Variants in GUCY1A2 observed in about 807,000 individuals in gnomAD.
GUCY1A2 encodes the protein guanylate cyclase soluble subunit alpha-2.
A neutral mutation model predicts 63.5 loss-of-function variants in GUCY1A2; 27 were observed. The ratio of observed to expected loss-of-function variants is 0.43; its 90% CI spans 0.31 to 0.59. The LOEUF is 0.59. GUCY1A2 is among the 20% of genes least tolerant of loss of function. The probability of loss-of-function intolerance (pLI) is 0.11; values close to 1 mark genes in which losing one functional copy is unlikely to be tolerated. For missense variants in GUCY1A2, 768 were observed against 913.3 expected (o/e 0.84, Z 2.05); for synonymous variants, 364 against 343.5 (o/e 1.06, Z -0.66).
chr11:106,927,279 A>C (rs985992121), intron 4 of GUCY1A2, among the ~76,000 whole-genome samples: 2 of 151,596 alleles, frequency 1.3e-5, no homozygotes, highest in Admixed American at 6.6e-5. Context: ...AGGTTGAGGC[A>C]GGAGAATGGC....
intron 4 of GUCY1A2, among the ~76,000 whole-genome samples, chr11:106,862,342 T>A (rs1449401218): frequency 6.6e-6 from 1 of 151,792 alleles, no homozygotes; most frequent in African/African-American, 2.4e-5. Flanking sequence ...AAAAAACACA[T>A]CAATAGATAA....
At chr11:106,993,355 G>A (rs902702060) in intron 1 of GUCY1A2, among the ~76,000 whole-genome samples, 2 of 152,042 alleles carry the variant, frequency 1.3e-5, no homozygotes, top group Non-Finnish European at 2.9e-5. Flanking sequence ...AGACACCAAT[G>A]GATCAAATTA....
Position 106,682,273 on chromosome 11 carries a change from A to C in GUCY1A2, c.*5276T>G. ...TCAAAATAACTACAAATGAAATAAC[A>C]TCACTATCCCAGTCAACTTGTATTT... On this transcript the variant is annotated 3_prime_UTR_variant, in exon 8 of 8. Transcript: ENST00000526355. 1 of 216,228 alleles carries C rather than the reference A, an allele frequency of 4.6e-6. No homozygotes were observed. Among genetic ancestry groups the C allele is most frequent in the Middle Eastern group, 1.4e-3 (1 of 692 alleles). 13.4% of individuals were successfully genotyped at this position (216,228 alleles called of 1,614,324 possible). A position where few individuals can be genotyped will look rare whatever the true frequency, so the allele number is the denominator to read the frequency against.
intron 7 of GUCY1A2, among the ~76,000 whole-genome samples, chr11:106,704,872 AAT>A (rs1862880724): frequency 6.7e-6 from 1 of 150,370 alleles, no homozygotes; most frequent in South Asian, 2.1e-4. Context: ...GCAGTAAAGT[AAT>A]ATTAGTATAT....
intron 1 of GUCY1A2, among the ~76,000 whole-genome samples, chr11:107,002,597 T>C (rs917409006): frequency 6.6e-6 from 1 of 152,178 alleles, no homozygotes; most frequent in African/African-American, 2.4e-5. Context: ...TCTAAAGCTA[T>C]TGATAAGACA....
chr11:106,947,690 T>C (rs1860849208), intron 3 of GUCY1A2, among the ~76,000 whole-genome samples: 1 of 152,014 alleles, frequency 6.6e-6, no homozygotes, highest in African/African-American at 2.4e-5. Context: ...AGGTGGCATA[T>C]ATATTTGAGA....
chr11:106,936,148 A>G (rs1860673980), intron 4 of GUCY1A2, among the ~76,000 whole-genome samples: 1 of 152,196 alleles, frequency 6.6e-6, no homozygotes, highest in South Asian at 2.1e-4. Context: ...CACTCAAACA[A>G]GATTCATTCC....
rs948959727 is a variant in GUCY1A2 at position 106,683,484 on chromosome 11, T to C, written c.*4065A>G. ...CAGATATAATCAATGCCCCGGCACATCCAGTTCATTACTACACTTCAGAAG... is the reference window on the plus strand; with the variant it reads ...CAGATATAATCAATGCCCCGGCACACCCAGTTCATTACTACACTTCAGAAG... On this transcript the variant is annotated 3_prime_UTR_variant, in exon 8 of 8. Transcript: ENST00000526355. 4.4e-6 allele frequency: 1 copy of C among 227,730 alleles called. No homozygotes were observed. Among genetic ancestry groups the C allele is most frequent in the Non-Finnish European group, 8.7e-6 (1 of 114,628 alleles). 14.1% of individuals were successfully genotyped at this position (227,730 alleles called of 1,614,324 possible). A position where few individuals can be genotyped will look rare whatever the true frequency, so the allele number is the denominator to read the frequency against.
chr11:106,995,451 A>T (rs1441970855), intron 1 of GUCY1A2, among the ~76,000 whole-genome samples: 1 of 152,172 alleles, frequency 6.6e-6, no homozygotes, highest in Non-Finnish European at 1.5e-5. Context: ...TCTAAGCTGA[A>T]ATACATTGTT....
chr11:107,013,317 T>C (rs1457640136), intron 1 of GUCY1A2, among the ~76,000 whole-genome samples: 1 of 152,188 alleles, frequency 6.6e-6, no homozygotes, highest in East Asian at 1.9e-4. Flanking sequence ...GTGGTGTATC[T>C]TCACTGACAG....
chr11:106,737,343 A>C (rs1259012531), intron 6 of GUCY1A2, among the ~76,000 whole-genome samples: 5 of 151,992 alleles, frequency 3.3e-5, no homozygotes, highest in Admixed American at 2.6e-4. Flanking sequence ...GTTTTTGATT[A>C]CTTCTTTTTA....
chr11:106,853,514 C>T (rs574940042), intron 4 of GUCY1A2, among the ~76,000 whole-genome samples: 2 of 152,088 alleles, frequency 1.3e-5, no homozygotes, highest in South Asian at 4.2e-4. Flanking sequence ...TTCTTTCTTA[C>T]ATCTATGTCA....
chr11:107,003,819 G>A (rs1861638679), intron 1 of GUCY1A2, among the ~76,000 whole-genome samples: 1 of 152,142 alleles, frequency 6.6e-6, no homozygotes, highest in Admixed American at 6.6e-5. Context: ...CTCTAAGAAG[G>A]AGATTAGCAT....
intron 7 of GUCY1A2, among the ~76,000 whole-genome samples, chr11:106,702,117 A>T (rs541356643): frequency 2.1e-3 from 315 of 152,266 alleles, no homozygotes; most frequent in African/African-American, 7.3e-3. Context: ...CATCTGAAAA[A>T]CAAAGATAAT....
At chr11:106,920,446 A>G (rs1160318812) in intron 4 of GUCY1A2, among the ~76,000 whole-genome samples, 1 of 152,166 alleles carries the variant, frequency 6.6e-6, no homozygotes, top group Non-Finnish European at 1.5e-5. Flanking sequence ...GGCTTTTGTC[A>G]TTAAGTATTA....
At chr11:106,815,770 GCA>G (rs1211284495) in intron 4 of GUCY1A2, among the ~76,000 whole-genome samples, 4 of 151,674 alleles carry the variant, frequency 2.6e-5, no homozygotes, top group Non-Finnish European at 4.4e-5. Context: ...GACCACACAT[GCA>G]CACAGACACA....
At position 107,017,824 on chromosome 11, in the gene GUCY1A2, T is replaced by G; in HGVS notation, c.232A>C (p.Arg78=). Residue 78 remains arginine (R), a synonymous_variant, in exon 1 of 8, where the codon AGG becomes CGG. Coordinates refer to ENST00000526355, the MANE Select transcript of GUCY1A2 (RefSeq NM_000855.3). Reference sequence around the variant, plus strand: ...TTGACCCGCCTCCGGCGCTGCACCCTCCTGGCCCCGGCAGTGGCAGCGGCG... The same window carrying G: ...TTGACCCGCCTCCGGCGCTGCACCCGCCTGGCCCCGGCAGTGGCAGCGGCG... The part of the protein sequence containing the change: ...AAAAATAGAR[R]VQRRRRVNLD... 2 of 1,315,984 alleles carry G rather than the reference T, an allele frequency of 1.5e-6. No homozygotes were observed. The highest frequency in any genetic ancestry group is 2.7e-5 in the South Asian group (1 of 36,988). 81.5% of individuals were successfully genotyped at this position (1,315,984 alleles called of 1,614,324 possible).
Position 106,816,594 on chromosome 11 carries a change from C to T in GUCY1A2, c.1207-6116G>A, listed in dbSNP as rs555465042. On this transcript the variant is annotated intron_variant, in intron 4 of 7. Coordinates refer to ENST00000526355, the MANE Select transcript of GUCY1A2 (RefSeq NM_000855.3). ...CCCAAAGCAAGCAGAAGGGAGGAAA[C>T]AAAAACCATAAGAGAGGTAATCAAT... Among the ~76,000 whole-genome samples, 4 of 149,216 alleles carry T rather than the reference C, an allele frequency of 2.7e-5. No individual in the cohort carries two copies. The South Asian group carries it at 8.5e-4, about 32-fold the overall frequency.
intron 4 of GUCY1A2, among the ~76,000 whole-genome samples, chr11:106,822,855 A>T (rs1291731631): frequency 1.3e-5 from 2 of 152,186 alleles, no homozygotes; most frequent in Non-Finnish European, 2.9e-5. Flanking sequence ...ATTTGTCATC[A>T]ACAATTTTGT....
Sources: gnomAD v4.1 joint callset for allele counts (sites outside exome capture counted in the v4.1 genomes callset) on GRCh38, gnomAD v4.1.1 for gene constraint, MANE v1.5 for transcripts, NCBI Gene and HGNC (gene_info 2026-07-23, HGNC 2026-07-21) for gene names.